Variants in OTOG observed in about 807,000 individuals in gnomAD.
OTOG encodes otogelin.
In OTOG, 296 loss-of-function variants were observed where a neutral mutation model predicts 313.8. The observed-to-expected ratio is 0.94, with a 90% confidence interval of 0.86 to 1.04. The LOEUF is 1.04. Among genes scored for constraint, OTOG ranks in the 50% least tolerant of loss-of-function variants. OTOG has a pLI of 0.00. For missense variants in OTOG, 3,948 were observed against 3,840.1 expected, an observed-to-expected ratio of 1.03 and a Z score of -0.74; for synonymous variants, 1,533 against 1,554.9, an observed-to-expected ratio of 0.99 and a Z score of 0.33.
intron 39 of OTOG, among the ~76,000 whole-genome samples, chr11:17,624,147 C>G (rs1853927194): frequency 6.6e-6 from 1 of 152,058 alleles, no homozygotes; most frequent in African/African-American, 2.4e-5. Context: ...TGTAGAAGCT[C>G]TTTAGTTTAA....
intron 12 of OTOG, 108 bp downstream of exon 12, chr11:17,559,770 AGGAGGGAGGGAG>A: frequency 3.1e-6 from 1 of 320,374 alleles, no homozygotes; most frequent in Non-Finnish European, 6.5e-6. Flanking sequence ...AAGGAAGGAA[AGGAGGGAGGGAG>A]GGAGGGAGGA....
chr11:17,641,088 G>T lies in OTOG; in HGVS notation c.8187G>T (p.Glu2729Asp). The change falls in exon 51 of 56, where the codon GAG becomes GAT. Residue 2729 changes from glutamate (E) to aspartate (D), a missense_variant. Glu to Asp is a conservative substitution (Grantham distance 45). Coordinates refer to ENST00000399397, the MANE Select transcript of OTOG (RefSeq NM_001292063.2). ...CCGTGCTCTGTGACATCCACTGTGAGGCGGTAGGGTGCAGCCCAGGGCGGG... is the reference window on the plus strand; with the variant it reads ...CCGTGCTCTGTGACATCCACTGTGATGCGGTAGGGTGCAGCCCAGGGCGGG... ...TTSVLCDIHC[E>D]ANQEYEHPRD... 1 of 1,541,298 alleles carries T rather than the reference G, an allele frequency of 6.5e-7. No homozygotes were observed. The highest frequency in any genetic ancestry group is 8.7e-7 in the Non-Finnish European group (1 of 1,146,504).
chr11:17,558,167 G>A lies in OTOG; in HGVS notation c.866-18G>A. On this transcript the variant is annotated intron_variant, in intron 8 of 55. Transcript: ENST00000399397. ...AACCCCATCGCTGCCCCATCATGAT[G>A]TCAGCTCCCTCCTCCAGGGAAGCTG... The A allele has an allele frequency of 6.5e-7, 1 of 1,550,276 alleles. No homozygotes were observed. Among genetic ancestry groups the A allele is most frequent in the Non-Finnish European group, 8.7e-7 (1 of 1,146,936 alleles).
chr11:17,578,836 G>A (rs1183606909), intron 23 of OTOG, among the ~76,000 whole-genome samples: 2 of 152,208 alleles, frequency 1.3e-5, no homozygotes, highest in South Asian at 2.1e-4. Context: ...AGCACTGAGT[G>A]GGGTGTCTGG....
In OTOG at chr11:17,560,437, G is replaced by A. The variant is rs143931543; in HGVS notation, c.1343-272G>A. 3.7e-3 allele frequency among the ~76,000 whole-genome samples: 556 copies of A among 152,306 alleles called. 3 individuals are homozygous for A. The highest frequency in any genetic ancestry group is 0.013 in the African/African-American group (521 of 41,552). On this transcript the variant is annotated intron_variant, in intron 12 of 55. Transcript: ENST00000399397. ...CTAAGCTGTTTTTGATGCGGTGACAGGCTTTTGAGAGGTGGTGAGGAGAAG... is the reference window on the plus strand; with the variant it reads ...CTAAGCTGTTTTTGATGCGGTGACAAGCTTTTGAGAGGTGGTGAGGAGAAG...
At chr11:17,629,781 T>C (rs1845237147) in intron 40 of OTOG, among the ~76,000 whole-genome samples, 1 of 152,148 alleles carries the variant, frequency 6.6e-6, no homozygotes, top group Admixed American at 6.5e-5. Context: ...TACACAGAAC[T>C]AATGCTCTTC....
At chr11:17,548,418 CTTTTT>C (rs56402246) in intron 3 of OTOG, among the ~76,000 whole-genome samples, 44 of 87,578 alleles carry the variant, frequency 5.0e-4, no homozygotes, top group Middle Eastern at 6.8e-3. Flanking sequence ...ATAGTCCACT[CTTTTT>C]TTTTTTTTTT....
At chr11:17,634,044 C>T (rs1486530399) in intron 43 of OTOG, 25 bp from the exon 44 acceptor site, 24 of 1,534,918 alleles carry the variant, frequency 1.6e-5, no homozygotes, top group African/African-American at 8.2e-5. Flanking sequence ...CTCAGTCCCT[C>T]GCACCCTGCC....
chr11:17,613,368 CCT>C (rs1853641717), intron 38 of OTOG, among the ~76,000 whole-genome samples: 2 of 104,216 alleles, frequency 1.9e-5, no homozygotes, highest in African/African-American at 6.9e-5. Context: ...TTCCTTCCTT[CCT>C]TCCCTCCTTC....
At chr11:17,578,221 G>GT in intron 22 of OTOG, 152 bp from the exon 23 acceptor site, 19 of 1,384,908 alleles carry the variant, frequency 1.4e-5, no homozygotes, top group Non-Finnish European at 1.8e-5. Context: ...TCTGTGAGGC[G>GT]TATCTGGGAA....
chr11:17,559,902 G>A (rs1397101336), intron 12 of OTOG, among the ~76,000 whole-genome samples: 9 of 88,848 alleles, frequency 1.0e-4, no homozygotes, highest in Admixed American at 2.9e-4. Context: ...GGGAGGGAGG[G>A]AGGAAGGAAG....
rs1565111072 is a variant in OTOG at position 17,599,704 on chromosome 11, CCCT to C, written c.3709+13_3709+15del. ...TGTGACTTCTTTAACAAAGGTAAGC[CCCT>C]CCTCCCCACGCAGAGTCTCAGGGGC... On this transcript the variant is annotated splice_region_variant and intron_variant, in intron 31 of 55. Transcript: ENST00000399397. 2 of 1,550,554 alleles carry C rather than the reference CCCT, an allele frequency of 1.3e-6. No homozygotes were observed. Among genetic ancestry groups the C allele is most frequent in the Admixed American group, 3.9e-5 (2 of 51,008 alleles).
Position 17,613,696 on chromosome 11 carries a change from C to G in OTOG, c.6523C>G (p.Arg2175Gly), listed in dbSNP as rs397514608. 6.5e-7 allele frequency: 1 copy of G among 1,550,218 alleles called. No individual in the cohort carries two copies. Among genetic ancestry groups the G allele is most frequent in the Non-Finnish European group, 8.7e-7 (1 of 1,146,864 alleles). Residue 2175 changes from arginine to glycine, a missense_variant, in exon 39 of 56, where the codon CGA becomes GGA. Arg to Gly is a moderately radical substitution (Grantham distance 125). Coordinates refer to ENST00000399397, the MANE Select transcript of OTOG (RefSeq NM_001292063.2). ...TCAGGTCACTATTGATCGCTTCAAC[C>G]GAAAGGTGAGTGCATCAAACAGCCA... The part of the protein sequence containing the change: ...AHQVTIDRFN[R>G]KVTVDLQPVW...
At chr11:17,628,979 G>T (rs546969160) in intron 39 of OTOG, among the ~76,000 whole-genome samples, 154 bp from the exon 40 acceptor site, 1 of 152,354 alleles carries the variant, frequency 6.6e-6, no homozygotes, top group South Asian at 2.1e-4. Context: ...GCATGTGCCT[G>T]AAACAGAGCC....
At chr11:17,583,794 G>A (rs2134045328) in intron 23 of OTOG, among the ~76,000 whole-genome samples, 1 of 151,994 alleles carries the variant, frequency 6.6e-6, no homozygotes, top group Non-Finnish European at 1.5e-5. Context: ...GTTGTTCTAG[G>A]TCTTTGCATT....
intron 39 of OTOG, among the ~76,000 whole-genome samples, chr11:17,628,101 T>C (rs118120250): frequency 6.6e-6 from 1 of 152,238 alleles, no homozygotes; most frequent in East Asian, 1.9e-4. Context: ...CTTCTACTAA[T>C]TTTGGATTCG....
At chr11:17,618,535 G>A (rs1285784729) in intron 39 of OTOG, among the ~76,000 whole-genome samples, 1 of 152,134 alleles carries the variant, frequency 6.6e-6, no homozygotes, top group Non-Finnish European at 1.5e-5. Flanking sequence ...TTATTATTGG[G>A]TGGAGTGTTC....
chr11:17,594,066 G>T lies in OTOG; in HGVS notation c.3308G>T (p.Cys1103Phe), dbSNP rs1413171896. The T allele has an allele frequency of 6.4e-7, 1 of 1,550,600 alleles. No homozygotes were observed. The highest frequency in any genetic ancestry group is 1.2e-5 in the South Asian group (1 of 84,060). The change falls in exon 28 of 56, where the codon TGT (cysteine) becomes TTT (phenylalanine). Residue 1103 changes from cysteine (C) to phenylalanine (F), a missense_variant. Physicochemically the swap from Cys to Phe is radical, Grantham distance 205. Coordinates refer to ENST00000399397, the MANE Select transcript of OTOG (RefSeq NM_001292063.2). The stretch of plus-strand genomic sequence containing the variant: ...TTTCAGGGCCAGCTGGCGGGCCTCT[G>T]TGGGAACTTTGACTTAAAAACCATC... Reference protein sequence around the residue: ...PQWQGQLAGLCGNFDLKTINE... With the variant: ...PQWQGQLAGLFGNFDLKTINE...
chr11:17,608,992 G>A (rs1035598584), intron 34 of OTOG, 138 bp from the exon 35 acceptor site: 4 of 672,216 alleles, frequency 6.0e-6, no homozygotes, highest in Non-Finnish European at 1.0e-5. Flanking sequence ...GGAGGGTCAT[G>A]TGTGTGTACA....
Sources: allele counts gnomAD v4.1 joint callset (sites outside exome capture counted in the v4.1 genomes callset), GRCh38; gene constraint gnomAD v4.1.1; transcripts MANE v1.5; gene names NCBI Gene and HGNC (gene_info 2026-07-23, HGNC 2026-07-21).